RGS4: variants seen among roughly 807,000 people sequenced by gnomAD.
The protein encoded by RGS4 is schizophrenia disorder 9.
RGS4 carries 15 observed loss-of-function variants against 21.6 expected under a neutral mutation model. The ratio of observed to expected loss-of-function variants is 0.69; its 90% CI spans 0.46 to 1.07. The LOEUF (loss-of-function observed/expected upper bound fraction) is 1.07, where lower values mean the gene tolerates loss of function less well. Among genes scored for constraint, RGS4 ranks in the 50% least tolerant of loss-of-function variants. RGS4 has a pLI of 0.00. For synonymous variants in RGS4, 94 were observed against 85.5 expected, an observed-to-expected ratio of 1.10 and a Z score of -0.55; for missense variants, 237 against 239.0, an observed-to-expected ratio of 0.99 and a Z score of 0.06.
In RGS4 at chr1:163,072,517, G is replaced by C; in HGVS notation, c.149+18G>C. On this transcript the variant is annotated intron_variant, in intron 2 of 4. Coordinates refer to ENST00000367909, the MANE Select transcript of RGS4 (RefSeq NM_005613.6). ...TGCCAGAGGTAAGAGAAAAGGCCTT[G>C]GTGAAGATGTACTTAGTATTAACTA... The C allele has an allele frequency of 1.3e-6, 2 of 1,505,382 alleles. No individual in the cohort carries two copies. Among genetic ancestry groups the C allele is most frequent in the South Asian group, 2.3e-5 (2 of 88,666 alleles). 93.3% of individuals were successfully genotyped at this position (1,505,382 alleles called of 1,614,324 possible).
chr1:163,071,604 A>C (rs1285661233), intron 1 of RGS4, among the ~76,000 whole-genome samples: 1 of 152,088 alleles, frequency 6.6e-6, no homozygotes, highest in African/African-American at 2.4e-5. Context: ...ATAAACTGGA[A>C]GCTCAGTGAT....
In RGS4 at chr1:163,076,423, T is replaced by C. The variant is rs1176698949; in HGVS notation, c.*1863T>C. 2.0e-5 allele frequency: 3 copies of C among 152,616 alleles called. No homozygotes were observed. Among genetic ancestry groups the C allele is most frequent in the Non-Finnish European group, 4.4e-5 (3 of 68,034 alleles). The allele number at this position is 152,616 out of a possible 1,614,324, so 9.5% of individuals were successfully genotyped here. On this transcript the variant is annotated 3_prime_UTR_variant, in exon 5 of 5. Coordinates refer to ENST00000367909, the MANE Select transcript of RGS4 (RefSeq NM_005613.6). ...TCCTCATCAGTGTCATTTTCTGTTA[T>C]ACACAGTTCCACAATTTTGTCTCTA... is the stretch of plus-strand genomic sequence containing the variant.
At chr1:163,074,189 C>T in intron 4 of RGS4, 132 bp from the exon 5 acceptor site, 1 of 1,118,516 alleles carries the variant, frequency 8.9e-7, no homozygotes, top group Middle Eastern at 3.1e-4. Flanking sequence ...AAGGAGGACC[C>T]CAATGTCACT....
intron 4 of RGS4, 111 bp from the exon 5 acceptor site, chr1:163,074,210 G>C (rs1466195293): frequency 1.4e-6 from 2 of 1,419,814 alleles, no homozygotes; most frequent in Admixed American, 4.2e-5. Flanking sequence ...TTTGTTTTTT[G>C]CTTCTGAAAT....
At chr1:163,073,367 C>A (rs1054721252) in intron 3 of RGS4, 89 bp from the exon 4 acceptor site, 2 of 1,059,950 alleles carry the variant, frequency 1.9e-6, no homozygotes, top group Non-Finnish European at 2.7e-6. Flanking sequence ...CATGCTTTAT[C>A]CCCCAAGTAC....
rs1655510887 is a variant in RGS4, at chr1:163,076,655, G to A, written c.*2095G>A. 1 of 152,160 alleles carries A rather than the reference G, an allele frequency of 6.6e-6. No individual in the cohort carries two copies. Among genetic ancestry groups the A allele is most frequent in the Admixed American group, 6.6e-5 (1 of 15,254 alleles). The allele number at this position is 152,160 out of a possible 1,614,324, so 9.4% of individuals were successfully genotyped here. On this transcript the variant is annotated 3_prime_UTR_variant, in exon 5 of 5. Coordinates refer to ENST00000367909, the MANE Select transcript of RGS4 (RefSeq NM_005613.6). ...ATTTCATCACTATTTCCAATGGTGAGCTTGCCTGCTCATGCTCCCTGGACA... is the reference window on the plus strand; with the variant it reads ...ATTTCATCACTATTTCCAATGGTGAACTTGCCTGCTCATGCTCCCTGGACA...
chr1:163,074,071 T>G, intron 4 of RGS4: 1 of 522,714 alleles, frequency 1.9e-6, no homozygotes, highest in East Asian at 3.1e-5. Flanking sequence ...CTGCATGAAT[T>G]TTTCTGATGA....
chr1:163,073,409 G>C, intron 3 of RGS4, 47 bp from the exon 4 acceptor site: 1 of 1,474,356 alleles, frequency 6.8e-7, no homozygotes, highest in Non-Finnish European at 9.0e-7. Context: ...ATATCCAAGA[G>C]GCCAACCAGT....
At chr1:163,072,544 C>T (rs1379354333) in intron 2 of RGS4, 45 bp downstream of exon 2, 1 of 1,332,982 alleles carries the variant, frequency 7.5e-7, no homozygotes, top group African/African-American at 1.4e-5. Context: ...TATTAACTAT[C>T]TGATGATGGG....
intron 2 of RGS4, 135 bp from the exon 3 acceptor site, chr1:163,072,670 C>T (rs780742402): frequency 4.8e-6 from 4 of 841,098 alleles, no homozygotes; most frequent in African/African-American, 1.7e-5. Context: ...TAGTGAAAAA[C>T]TGCCCTCATC....
intron 1 of RGS4, among the ~76,000 whole-genome samples, chr1:163,071,390 A>G (rs1039085663): frequency 2.4e-4 from 37 of 152,282 alleles, no homozygotes; most frequent in African/African-American, 8.4e-4. Context: ...CCCTACTCCA[A>G]ATAGACACAT....
chr1:163,073,373 A>G, intron 3 of RGS4, 83 bp from the exon 4 acceptor site: 2 of 1,151,466 alleles, frequency 1.7e-6, no homozygotes, highest in Non-Finnish European at 2.4e-6. Context: ...TTATCCCCCA[A>G]GTACCTCAGC....
At chr1:163,070,380 A>G (rs1366716965) in intron 1 of RGS4, among the ~76,000 whole-genome samples, 2 of 152,196 alleles carry the variant, frequency 1.3e-5, no homozygotes, top group Non-Finnish European at 2.9e-5. Context: ...TCAAAGGTAA[A>G]AAGTCAACCT....
chr1:163,072,922 G>A, intron 3 of RGS4, 56 bp downstream of exon 3: 1 of 1,452,852 alleles, frequency 6.9e-7, no homozygotes, highest in Non-Finnish European at 9.6e-7. Context: ...GTTATATTAT[G>A]CTGGTCTAAT....
chr1:163,074,721 A>G lies in RGS4; in HGVS notation c.*161A>G. On this transcript the variant is annotated 3_prime_UTR_variant, in exon 5 of 5. Coordinates refer to ENST00000367909, the MANE Select transcript of RGS4 (RefSeq NM_005613.6). ...AGTCACTTCTACGCATAAACTAGAT[A>G]TAGCTTTTGGTGTTTGAGTGTTCAT... 1 of 1,061,072 alleles carries G rather than the reference A, an allele frequency of 9.4e-7. No homozygotes were observed. Among genetic ancestry groups the G allele is most frequent in the Non-Finnish European group, 1.4e-6 (1 of 704,542 alleles). 65.7% of individuals were successfully genotyped at this position (1,061,072 alleles called of 1,614,324 possible).
At chr1:163,069,333 TAA>T (rs769228201), upstream of RGS4, 3 of 1,552,116 alleles carry the variant, frequency 1.9e-6, no homozygotes, top group South Asian at 3.6e-5. Flanking sequence ...AGCTGGGCTA[TAA>T]AAGAGACCCC....
rs1385493879 is a variant in RGS4, at chr1:163,076,163, C to A, written c.*1603C>A. On this transcript the variant is annotated 3_prime_UTR_variant, in exon 5 of 5. Transcript: ENST00000367909. ...CCCAGGAAGTAATTTTCTTCTCATTCTTCTAAAACTACTGCCTTTCAAAGT... is the reference window on the plus strand; with the variant it reads ...CCCAGGAAGTAATTTTCTTCTCATTATTCTAAAACTACTGCCTTTCAAAGT... 3 of 152,556 alleles carry A rather than the reference C, an allele frequency of 2.0e-5. No individual in the cohort carries two copies. Among genetic ancestry groups the A allele is most frequent in the African/African-American group, 4.8e-5 (2 of 41,436 alleles). 9.5% of individuals were successfully genotyped at this position (152,556 alleles called of 1,614,324 possible).
At chr1:163,072,696 C>A in intron 2 of RGS4, 109 bp from the exon 3 acceptor site, 2 of 1,010,660 alleles carry the variant, frequency 2.0e-6, no homozygotes, top group South Asian at 3.0e-5. Flanking sequence ...CATATTTTGT[C>A]ATAACGATGG....
At chr1:163,069,281 G>A, upstream of RGS4, 1 of 1,551,172 alleles carries the variant, frequency 6.4e-7, no homozygotes, top group Non-Finnish European at 8.7e-7. Context: ...AGACAGAGGA[G>A]CTGGTACTGC....
Sources: allele counts gnomAD v4.1 joint callset (sites outside exome capture counted in the v4.1 genomes callset), GRCh38; gene constraint gnomAD v4.1.1; transcripts MANE v1.5; gene names NCBI Gene and HGNC (gene_info 2026-07-23, HGNC 2026-07-21).